The following ARNT2 variants were observed in gnomAD, a reference collection of about 807,000 sequenced individuals.
The protein encoded by ARNT2 is aryl hydrocarbon receptor nuclear translocator 2.
In ARNT2, 36 loss-of-function variants were observed where a neutral mutation model predicts 91.7. The observed-to-expected ratio is 0.39, with a 90% CI of 0.30 to 0.52. The LOEUF is 0.52. ARNT2 is among the 20% of genes least tolerant of loss of function. The pLI is 0.72. For synonymous variants in ARNT2, 365 were observed against 347.1 expected (o/e 1.05, Z -0.57); for missense variants, 775 against 939.3 (o/e 0.83, Z 2.29).
At chr15:80,565,538 G>A (rs867770995) in intron 12 of ARNT2, among the ~76,000 whole-genome samples, 1 of 140,924 alleles carries the variant, frequency 7.1e-6, no homozygotes, top group African/African-American at 2.6e-5. Context: ...TTTTGTTATT[G>A]TTTTTTTTTT....
intron 1 of ARNT2, among the ~76,000 whole-genome samples, chr15:80,433,617 GA>G (rs1448585969): frequency 2.0e-5 from 3 of 152,072 alleles, no homozygotes; most frequent in Non-Finnish European, 4.4e-5. Context: ...GCATTTTATA[GA>G]AATAATTGTA....
At chr15:80,573,535 T>C (rs965463085) in intron 12 of ARNT2, among the ~76,000 whole-genome samples, 2 of 152,200 alleles carry the variant, frequency 1.3e-5, no homozygotes, top group Non-Finnish European at 2.9e-5. Context: ...CACTTTCCCT[T>C]GAAAACAATC....
At chr15:80,501,686 C>A (rs145520019) in intron 5 of ARNT2, among the ~76,000 whole-genome samples, 1 of 152,180 alleles carries the variant, frequency 6.6e-6, no homozygotes, top group African/African-American at 2.4e-5. Flanking sequence ...CTCTCTGTGC[C>A]GGGAGCCTGC....
intron 8 of ARNT2, among the ~76,000 whole-genome samples, chr15:80,534,622 C>G (rs1481262410): frequency 2.0e-5 from 3 of 152,082 alleles, no homozygotes; most frequent in Non-Finnish European, 2.9e-5. Flanking sequence ...AATACCTTTC[C>G]AAATGAATAC....
At position 80,593,649 on chromosome 15, in the gene ARNT2, A is replaced by G; in HGVS notation, c.2105A>G (p.Asn702Ser). 6.2e-7 allele frequency: 1 copy of G among 1,607,616 alleles called. No homozygotes were observed. Among genetic ancestry groups the G allele is most frequent in the Non-Finnish European group, 8.5e-7 (1 of 1,176,336 alleles). Residue 702 changes from asparagine (N) to serine (S), a missense_variant, in exon 19 of 19, where the codon AAC becomes AGC. By Grantham distance (46) the Asn-to-Ser change is conservative. Transcript: ENST00000303329. Reference protein sequence around the residue: ...GDPTQGTGNYNIEDFADLGMF... With the variant: ...GDPTQGTGNYSIEDFADLGMF... ...CCAACCCAGGGGACTGGCAACTATAACATCGAAGACTTTGCCGACCTGGGC... is the reference window on the plus strand; with the variant it reads ...CCAACCCAGGGGACTGGCAACTATAGCATCGAAGACTTTGCCGACCTGGGC...
At chr15:80,532,247 AG>A (rs1256397488) in intron 8 of ARNT2, among the ~76,000 whole-genome samples, 2 of 152,190 alleles carry the variant, frequency 1.3e-5, no homozygotes, top group Non-Finnish European at 2.9e-5. Flanking sequence ...TGTCTGAGTC[AG>A]GACACCTCTT....
chr15:80,506,538 A>C (rs990772824), intron 5 of ARNT2, among the ~76,000 whole-genome samples: 1 of 152,160 alleles, frequency 6.6e-6, no homozygotes, highest in Non-Finnish European at 1.5e-5. Flanking sequence ...AGGGTGGGGG[A>C]TTCTCACCAA....
rs1028023622 is a variant in ARNT2 at position 80,591,061 on chromosome 15, G to A, written c.1919-507G>A. ...CAGAGGCTGAGGTTGGGAATGCCAA[G>A]ATGAGGCTTTTCCTCTAGCAGGGCC... On this transcript the variant is annotated intron_variant, in intron 17 of 18. Transcript: ENST00000303329. This position sits in a 1 kb window ranked among gnomAD's most constrained non-coding sequence, Gnocchi z 5.1. 6.6e-6 allele frequency among the ~76,000 whole-genome samples: 1 copy of A among 152,226 alleles called. No homozygotes were observed. The highest frequency in any genetic ancestry group is 6.5e-5 in the Admixed American group (1 of 15,284).
chr15:80,484,916 C>T (rs1896944989), intron 5 of ARNT2, among the ~76,000 whole-genome samples: 1 of 152,142 alleles, frequency 6.6e-6, no homozygotes, highest in Non-Finnish European at 1.5e-5. Context: ...ATGGCCTTTA[C>T]CTTGGGTGAA....
chr15:80,415,568 T>G (rs1326182321), intron 1 of ARNT2, among the ~76,000 whole-genome samples: 1 of 152,204 alleles, frequency 6.6e-6, no homozygotes, highest in Non-Finnish European at 1.5e-5. Flanking sequence ...ACATTCTTAT[T>G]GGCAGCAGGC....
chr15:80,414,312 C>G (rs1358436667), intron 1 of ARNT2, among the ~76,000 whole-genome samples: 1 of 152,180 alleles, frequency 6.6e-6, no homozygotes, highest in Non-Finnish European at 1.5e-5. Context: ...CACAGGGCAG[C>G]CCCCACAGCA....
chr15:80,453,913 G>A (rs1321172615), intron 2 of ARNT2, among the ~76,000 whole-genome samples: 1 of 152,206 alleles, frequency 6.6e-6, no homozygotes, highest in Non-Finnish European at 1.5e-5. Flanking sequence ...ATGGAGGGAA[G>A]TATCCCAAAT....
intron 1 of ARNT2, among the ~76,000 whole-genome samples, chr15:80,427,439 A>G (rs1383770729): frequency 4.6e-5 from 7 of 152,202 alleles, no homozygotes; most frequent in Admixed American, 2.6e-4. Context: ...AGATGTGTCC[A>G]GAAAATCTTA....
rs150325915 is a variant in ARNT2 at position 80,495,358 on chromosome 15, A to C, written c.623-12798A>C. Among the ~76,000 whole-genome samples, 72 of 152,324 alleles carry C rather than the reference A, an allele frequency of 4.7e-4. 1 individual carries two copies. The highest frequency in any genetic ancestry group is 1.4e-3 in the African/African-American group (60 of 41,574). On this transcript the variant is annotated intron_variant, in intron 5 of 18. Coordinates refer to ENST00000303329, the MANE Select transcript of ARNT2 (RefSeq NM_014862.4). ...ACAGGAGCTCTCCCGACATGGCTGGACACTCAGGTTCCAAGTTGAGGTGTC... is the reference window on the plus strand; with the variant it reads ...ACAGGAGCTCTCCCGACATGGCTGGCCACTCAGGTTCCAAGTTGAGGTGTC...
chr15:80,479,665 A>G (rs1896856910), intron 5 of ARNT2, among the ~76,000 whole-genome samples: 2 of 152,248 alleles, frequency 1.3e-5, no homozygotes, highest in African/African-American at 4.8e-5. Flanking sequence ...TATGAAATGG[A>G]GGCAGATTGG....
Position 80,563,432 on chromosome 15 carries a change from C to T in ARNT2, c.1316+193C>T, listed in dbSNP as rs4778607. Among the ~76,000 whole-genome samples, 712 of 152,338 alleles carry T rather than the reference C, an allele frequency of 4.7e-3. 10 individuals are homozygous for T. Among genetic ancestry groups the T allele is most frequent in the Admixed American group, 0.029 (441 of 15,306 alleles). On this transcript the variant is annotated intron_variant, in intron 12 of 18. Transcript: ENST00000303329. ...CCATGTTCCTCCTTCTCATTTCCCT[C>T]CTGATTTGTGAGAAACAAAAGAATG...
At chr15:80,471,463 A>G (rs1467970683) in intron 4 of ARNT2, among the ~76,000 whole-genome samples, 1 of 152,184 alleles carries the variant, frequency 6.6e-6, no homozygotes, top group African/African-American at 2.4e-5. Context: ...AATAATTTGT[A>G]TAACAAATTT....
intron 8 of ARNT2, among the ~76,000 whole-genome samples, chr15:80,539,357 C>G (rs868360839): frequency 2.0e-5 from 3 of 151,632 alleles, no homozygotes; most frequent in African/African-American, 7.3e-5. Context: ...GTAAATAATT[C>G]AAGGAAAAAA....
chr15:80,484,194 A>G (rs1896931125), intron 5 of ARNT2, among the ~76,000 whole-genome samples: 1 of 152,070 alleles, frequency 6.6e-6, no homozygotes, highest in Non-Finnish European at 1.5e-5. Flanking sequence ...AAAAAAAAAA[A>G]ACAACTTGAT....
Sources: allele counts gnomAD v4.1 joint callset (sites outside exome capture counted in the v4.1 genomes callset), GRCh38; gene constraint gnomAD v4.1.1; non-coding constraint Gnocchi (gnomAD v3.1); transcripts MANE v1.5; gene names NCBI Gene and HGNC (gene_info 2026-07-23, HGNC 2026-07-21).